The following VAPB variants were observed in gnomAD, a reference collection of about 807,000 sequenced individuals.
VAPB encodes VAMP associated protein B and C.
Under a neutral mutation model 25.6 loss-of-function variants are expected in VAPB, and 7 were observed. The observed-to-expected ratio is 0.27, with a 90% CI of 0.16 to 0.51. The LOEUF (loss-of-function observed/expected upper bound fraction) is 0.51. Among genes scored for constraint, VAPB ranks in the 20% least tolerant of loss-of-function variants. VAPB has a pLI of 0.97. For missense variants in VAPB, 266 were observed against 301.3 expected (o/e 0.88, Z 0.87); for synonymous variants, 112 against 109.2 (o/e 1.03, Z -0.16).
intron 1 of VAPB, among the ~76,000 whole-genome samples, chr20:58,416,416 A>T (rs771767790): frequency 8.7e-5 from 6 of 68,936 alleles, no homozygotes; most frequent in Admixed American, 1.0e-4. Flanking sequence ...CCACAACTTC[A>T]TAAGGGGGAG....
intron 3 of VAPB, among the ~76,000 whole-genome samples, chr20:58,437,632 A>G (rs750639184): frequency 6.6e-6 from 1 of 152,080 alleles, no homozygotes; most frequent in Admixed American, 6.5e-5. Flanking sequence ...TCCTTGCTTG[A>G]TATTTTTTTT....
Position 58,403,565 on chromosome 20 carries a change from C to A in VAPB, c.58+14048C>A, listed in dbSNP as rs149641189. On this transcript the variant is annotated intron_variant, in intron 1 of 5. Transcript: ENST00000475243. The stretch of plus-strand genomic sequence containing the variant: ...CCAGGTTTCTCTCTGTGATACTTGT[C>A]TTTGACTTTTCTGATGAACTGTCCA... 2.3e-3 allele frequency among the ~76,000 whole-genome samples: 345 copies of A among 152,316 alleles called. 3 individuals are homozygous for A. The highest frequency in any genetic ancestry group is 8.0e-3 in the African/African-American group (334 of 41,576).
At chr20:58,403,258 T>G (rs1988143464) in intron 1 of VAPB, among the ~76,000 whole-genome samples, 1 of 152,234 alleles carries the variant, frequency 6.6e-6, no homozygotes, top group South Asian at 2.1e-4. Context: ...GTGTGTGTTC[T>G]TTTACCCCAT....
At chr20:58,407,186 TAAAGG>T (rs1357168179) in intron 1 of VAPB, among the ~76,000 whole-genome samples, 3 of 152,218 alleles carry the variant, frequency 2.0e-5, no homozygotes, top group African/African-American at 7.2e-5. Flanking sequence ...TCTAGTGTAT[TAAAGG>T]AAAGTAGTGA....
In VAPB at chr20:58,391,393, AGGT is replaced by A. The variant is rs563637919; in HGVS notation, c.58+1878_58+1880del. 7.7e-3 allele frequency among the ~76,000 whole-genome samples: 947 copies of A among 123,342 alleles called. 16 individuals are homozygous for A. Among genetic ancestry groups the A allele is most frequent in the Non-Finnish European group, 0.011 (620 of 56,628 alleles). 80.9% of individuals were successfully genotyped at this position (123,342 alleles called of 152,430 possible). A position where few individuals can be genotyped will look rare whatever the true frequency, so the allele number is the denominator to read the frequency against. The stretch of plus-strand genomic sequence containing the variant: ...CATTGAGGAGGTCAACTCCTGAAAG[AGGT>A]GTCATTTGAGCTCAGTTATAAAGGT... On this transcript the variant is annotated intron_variant, in intron 1 of 5. Coordinates refer to ENST00000475243, the MANE Select transcript of VAPB (RefSeq NM_004738.5).
rs140004599 is a variant in VAPB at position 58,433,910 on chromosome 20, A to C, written c.212-692A>C. Among the ~76,000 whole-genome samples, 62 of 152,296 alleles carry C rather than the reference A, an allele frequency of 4.1e-4. No individual in the cohort carries two copies. In the East Asian group the frequency reaches 0.01, roughly 25 times the overall value. On this transcript the variant is annotated intron_variant, in intron 2 of 5. Coordinates refer to ENST00000475243, the MANE Select transcript of VAPB (RefSeq NM_004738.5). ...GCCATCATTTGATAGGAGTAGGCCCAGCTGTACTCTAGGAAGTAGGCTGAA... is the reference window on the plus strand; with the variant it reads ...GCCATCATTTGATAGGAGTAGGCCCCGCTGTACTCTAGGAAGTAGGCTGAA...
At chr20:58,439,162 A>T in intron 4 of VAPB, 137 bp downstream of exon 4, 1 of 806,794 alleles carries the variant, frequency 1.2e-6, no homozygotes, top group Non-Finnish European at 2.0e-6. Context: ...AATAAGCTGA[A>T]GTCAGCAAAT....
intron 2 of VAPB, among the ~76,000 whole-genome samples, chr20:58,426,965 ATC>A (rs1323946513): frequency 6.6e-6 from 1 of 152,194 alleles, no homozygotes; most frequent in Non-Finnish European, 1.5e-5. Flanking sequence ...GTGATCTGTG[ATC>A]TGTTACCATT....
rs937510585 is a variant in VAPB at position 58,449,549 on chromosome 20, A to G, written c.*5314A>G. ...AAATGTAGCCATTATCTAACTTGCC[A>G]TAAATATTTGCAGTTATGATACCTT... On this transcript the variant is annotated 3_prime_UTR_variant, in exon 6 of 6. Coordinates refer to ENST00000475243, the MANE Select transcript of VAPB (RefSeq NM_004738.5). 6.6e-6 allele frequency: 3 copies of G among 454,032 alleles called. No individual in the cohort carries two copies. The highest frequency in any genetic ancestry group is 4.7e-5 in the Admixed American group (2 of 42,566). 28.1% of individuals were successfully genotyped at this position (454,032 alleles called of 1,614,324 possible). A position where few individuals can be genotyped will look rare whatever the true frequency, so the allele number is the denominator to read the frequency against.
chr20:58,436,816 A>G (rs987318437), intron 3 of VAPB, among the ~76,000 whole-genome samples: 2 of 152,012 alleles, frequency 1.3e-5, no homozygotes, highest in Non-Finnish European at 2.9e-5. Flanking sequence ...TCACCCCTAA[A>G]TGCTTCAGAG....
At chr20:58,397,519 C>CA (rs535438075) in intron 1 of VAPB, among the ~76,000 whole-genome samples, 20,565 of 112,484 alleles carry the variant, frequency 0.18, 1,955 homozygotes, top group African/African-American at 0.32. Flanking sequence ...AACTCTGTCT[C>CA]AAAAAAAAAA....
chr20:58,428,264 A>G (rs1988850557), intron 2 of VAPB, among the ~76,000 whole-genome samples: 1 of 152,256 alleles, frequency 6.6e-6, no homozygotes, highest in Admixed American at 6.5e-5. Flanking sequence ...ATTGTATCAC[A>G]AAGCATTAAT....
chr20:58,438,915 A>G (rs771558064), intron 3 of VAPB, 30 bp from the exon 4 acceptor site: 11 of 1,578,584 alleles, frequency 7.0e-6, no homozygotes, highest in Non-Finnish European at 9.6e-6. Flanking sequence ...GGTTTATAAT[A>G]TCTTGATTAT....
intron 1 of VAPB, among the ~76,000 whole-genome samples, chr20:58,413,536 T>C (rs1396758022): frequency 2.6e-5 from 4 of 152,126 alleles, no homozygotes; most frequent in Non-Finnish European, 5.9e-5. Flanking sequence ...AAGTCTCCCA[T>C]GTCTACTTCT....
At chr20:58,391,415 T>C (rs767924915) in intron 1 of VAPB, among the ~76,000 whole-genome samples, 3 of 152,032 alleles carry the variant, frequency 2.0e-5, no homozygotes, top group African/African-American at 7.3e-5. Flanking sequence ...AGCTCAGTTA[T>C]AAAGGTCGAG....
At chr20:58,404,142 A>G (rs944979548) in intron 1 of VAPB, among the ~76,000 whole-genome samples, 1 of 152,048 alleles carries the variant, frequency 6.6e-6, no homozygotes, top group African/African-American at 2.4e-5. Context: ...GTTTCCAGAG[A>G]TATTTTTCTA....
At chr20:58,441,556 C>G (rs373779932) in intron 5 of VAPB, among the ~76,000 whole-genome samples, 2 of 152,094 alleles carry the variant, frequency 1.3e-5, no homozygotes, top group Non-Finnish European at 2.9e-5. Context: ...GCAGGAGAAT[C>G]GCTTGAACCC....
chr20:58,440,890 C>T lies in VAPB; in HGVS notation c.397-17C>T, dbSNP rs1365602381. 16 of 1,610,944 alleles carry T rather than the reference C, an allele frequency of 9.9e-6. No individual in the cohort carries two copies. Among genetic ancestry groups the T allele is most frequent in the African/African-American group, 1.3e-5 (1 of 74,852 alleles). The stretch of plus-strand genomic sequence containing the variant: ...ACATGGTCGGTGACACTTAGGCTTT[C>T]ATTTGTTTTTGAACAGCATGATGTA... On this transcript the variant is annotated splice_polypyrimidine_tract_variant and intron_variant, in intron 4 of 5. Coordinates refer to ENST00000475243, the MANE Select transcript of VAPB (RefSeq NM_004738.5).
chr20:58,393,727 T>C (rs1345016881), intron 1 of VAPB, among the ~76,000 whole-genome samples: 1 of 151,900 alleles, frequency 6.6e-6, no homozygotes, highest in Non-Finnish European at 1.5e-5. Context: ...TTTTGTTTTG[T>C]TTTGTTTTGT....
Sources: allele counts gnomAD v4.1 joint callset (sites outside exome capture counted in the v4.1 genomes callset), GRCh38; gene constraint gnomAD v4.1.1; transcripts MANE v1.5; gene names NCBI Gene and HGNC (gene_info 2026-07-23, HGNC 2026-07-21).